The following SBNO1 variants were observed in gnomAD, a reference collection of about 807,000 sequenced individuals.
SBNO1 encodes strawberry notch homolog 1.
Under a neutral mutation model 173.6 loss-of-function variants are expected in SBNO1, and 23 were observed. The ratio of observed to expected loss-of-function variants is 0.13; its 90% CI spans 0.10 to 0.19. The LOEUF is 0.19. Ranked by LOEUF, SBNO1 falls within the 10% of genes least tolerant of loss-of-function variation. The pLI is 1.00. For missense variants in SBNO1, 1,238 were observed against 1,671.2 expected (o/e 0.74, Z 4.52); for synonymous variants, 632 against 571.5 (o/e 1.11, Z -1.51).
At chr12:123,358,701 C>T (rs1476402262) in intron 1 of SBNO1, among the ~76,000 whole-genome samples, 1 of 132,112 alleles carries the variant, frequency 7.6e-6, no homozygotes. Flanking sequence ...CAAGATCGCG[C>T]CACTGCACTC....
At position 123,364,162 on chromosome 12, in the gene SBNO1, G is replaced by C. The variant is rs535514092; in HGVS notation, c.-1+539C>G. 3.4e-5 allele frequency: 34 copies of C among 985,538 alleles called. No individual in the cohort carries two copies. In the South Asian group the frequency reaches 1.3e-3, roughly 37 times the overall value. The allele number at this position is 985,538 out of a possible 1,614,324, so 61.0% of individuals were successfully genotyped here. A position where few individuals can be genotyped will look rare whatever the true frequency, so the allele number is the denominator to read the frequency against. ...GCGGCTTCCCCACCGCCCCAAGAGCGGGGCATGTACGAGACCGCGCTGTGG... is the reference window on the plus strand; with the variant it reads ...GCGGCTTCCCCACCGCCCCAAGAGCCGGGCATGTACGAGACCGCGCTGTGG... On this transcript the variant is annotated intron_variant, in intron 1 of 31. Transcript: ENST00000602398.
intron 1 of SBNO1, chr12:123,363,972 G>A: frequency 3.0e-6 from 3 of 985,532 alleles, no homozygotes; most frequent in Non-Finnish European, 3.6e-6. Context: ...CTGCTTTGGG[G>A]AACTCTGGAT....
At chr12:123,310,132 C>T (rs1454397903) in intron 25 of SBNO1, among the ~76,000 whole-genome samples, 1 of 152,198 alleles carries the variant, frequency 6.6e-6, no homozygotes, top group African/African-American at 2.4e-5. Context: ...AAAGTTAGTT[C>T]TCCAACACTG....
At chr12:123,353,061 G>A (rs1389661947) in intron 1 of SBNO1, among the ~76,000 whole-genome samples, 1 of 152,128 alleles carries the variant, frequency 6.6e-6, no homozygotes. Context: ...GCTTCCCAAA[G>A]TGCTAGGATT....
intron 14 of SBNO1, 104 bp from the exon 15 acceptor site, chr12:123,325,703 GTCC>G: frequency 1.3e-6 from 1 of 782,894 alleles, no homozygotes; most frequent in Non-Finnish European, 2.1e-6. Flanking sequence ...AAACAAGAAT[GTCC>G]TCATTATTAT....
rs1444578290 is a variant in SBNO1, at chr12:123,295,990, T to C, written c.4100A>G (p.Gln1367Arg). Residue 1367 changes from glutamine (Q) to arginine (R), a missense_variant, in exon 32 of 32, where the codon CAG becomes CGG. Coordinates refer to ENST00000602398, the MANE Select transcript of SBNO1 (RefSeq NM_001167856.3). ...CTGTTGGACCGCAAGCTGTTGAGAC[T>C]GGTCTGAAGTTGATAGGAGATTTAC... is the stretch of plus-strand genomic sequence containing the variant. ...PLVNLLSTSDQSQQLAVQQKQ... is the reference protein window; with the variant it reads ...PLVNLLSTSDRSQQLAVQQKQ... The C allele has an allele frequency of 1.2e-6, 2 of 1,613,898 alleles. No individual in the cohort carries two copies. The highest frequency in any genetic ancestry group is 1.7e-6 in the Non-Finnish European group (2 of 1,179,880).
At chr12:123,309,903 A>T (rs2277343) in intron 25 of SBNO1, 47 bp from the exon 26 acceptor site, 906,914 of 1,401,558 alleles carry the variant, frequency 0.65, 305,825 homozygotes, top group East Asian at 0.72. Context: ...ATAATTAAAA[A>T]TTTTTTATTC....
At chr12:123,341,928 G>A (rs147878269) in intron 4 of SBNO1, among the ~76,000 whole-genome samples, 5 of 152,164 alleles carry the variant, frequency 3.3e-5, no homozygotes, top group East Asian at 3.9e-4. Context: ...CAAAAGGAAC[G>A]TGTGCAAGGG....
At chr12:123,317,648 G>A (rs950625745) in intron 20 of SBNO1, among the ~76,000 whole-genome samples, 21 of 152,228 alleles carry the variant, frequency 1.4e-4, no homozygotes, top group African/African-American at 5.1e-4. Context: ...ACAAGAGTCT[G>A]GAACAGGTAT....
intron 21 of SBNO1, 137 bp downstream of exon 21, chr12:123,317,084 C>T (rs1369990600): frequency 1.1e-5 from 9 of 836,426 alleles, no homozygotes; most frequent in South Asian, 3.2e-5. Flanking sequence ...GTTATCCTCC[C>T]ACAGTGGCCT....
In SBNO1 at chr12:123,338,892, CGACACACACACACACACA is replaced by C. The variant is rs1872190208; in HGVS notation, c.651+2078_651+2095del. Among the ~76,000 whole-genome samples the C allele has an allele frequency of 3.0e-3, 11 of 3,664 alleles. 1 individual carries two copies. The highest frequency in any genetic ancestry group is 0.016 in the Admixed American group (6 of 370). 2.4% of individuals were successfully genotyped at this position (3,664 alleles called of 152,430 possible). On this transcript the variant is annotated intron_variant, in intron 5 of 31. Transcript: ENST00000602398. ...TCTAAACACACACACACACACACCC[CGACACACACACACACACA>C]CGCCCCCCCCCCCCTCCCCGACTAG...
At position 123,338,188 on chromosome 12, in the gene SBNO1, C is replaced by T. The variant is rs142700291; in HGVS notation, c.652-1697G>A. Among the ~76,000 whole-genome samples, 287 of 152,254 alleles carry T rather than the reference C, an allele frequency of 1.9e-3. 1 individual carries two copies. The highest frequency in any genetic ancestry group is 6.5e-3 in the African/African-American group (269 of 41,546). ...AGGTACTCCCATTTTTCAAAATAAC[C>T]GGGAAATCAGGATTTGTATATGTCA... On this transcript the variant is annotated intron_variant, in intron 5 of 31. Transcript: ENST00000602398.
intron 1 of SBNO1, chr12:123,364,159 A>G (rs1875787449): frequency 1.9e-5 from 19 of 985,468 alleles, no homozygotes; most frequent in Non-Finnish European, 2.3e-5. Context: ...CCGCCCCAAG[A>G]GCGGGGCATG....
intron 7 of SBNO1, 32 bp downstream of exon 7, chr12:123,334,021 T>C (rs377025879): frequency 6.2e-6 from 9 of 1,442,900 alleles, no homozygotes; most frequent in African/African-American, 1.5e-5. Context: ...TAGGATAAAA[T>C]AATTATTGTA....
intron 21 of SBNO1, among the ~76,000 whole-genome samples, chr12:123,316,728 A>C (rs1191997452): frequency 2.6e-5 from 3 of 116,860 alleles, no homozygotes; most frequent in Non-Finnish European, 5.3e-5. Flanking sequence ...TTTGAGATGG[A>C]ATCTCCCTAT....
chr12:123,339,447 A>G (rs1045178761), intron 5 of SBNO1, among the ~76,000 whole-genome samples: 1 of 151,880 alleles, frequency 6.6e-6, no homozygotes, highest in Admixed American at 6.6e-5. Flanking sequence ...TGAATCACTA[A>G]CAGGTCCCTC....
intron 9 of SBNO1, 96 bp downstream of exon 9, chr12:123,330,323 A>G: frequency 1.3e-6 from 1 of 761,830 alleles, no homozygotes; most frequent in South Asian, 1.6e-5. Context: ...AAAGTTTTCC[A>G]AAAAGTGTCC....
intron 1 of SBNO1, among the ~76,000 whole-genome samples, chr12:123,356,949 G>A (rs575896359): frequency 9.9e-5 from 15 of 152,198 alleles, no homozygotes; most frequent in African/African-American, 3.4e-4. Context: ...TGTCTGATTC[G>A]AGATTCAGCT....
intron 5 of SBNO1, among the ~76,000 whole-genome samples, chr12:123,339,869 T>G (rs576944938): frequency 6.6e-6 from 1 of 152,288 alleles, no homozygotes; most frequent in African/African-American, 2.4e-5. Flanking sequence ...TTCTACAAGC[T>G]AAGCTTCCTG....
Sources: allele counts gnomAD v4.1 joint callset (sites outside exome capture counted in the v4.1 genomes callset), GRCh38; gene constraint gnomAD v4.1.1; transcripts MANE v1.5; gene names NCBI Gene and HGNC (gene_info 2026-07-23, HGNC 2026-07-21).